RABGAP1: variants seen among roughly 807,000 people sequenced by gnomAD.
RABGAP1 encodes the protein rab GTPase-activating protein 1.
Under a neutral mutation model 137.6 loss-of-function variants are expected in RABGAP1, and 23 were observed. The ratio of observed to expected loss-of-function variants is 0.17; its 90% confidence interval spans 0.12 to 0.24. The LOEUF (loss-of-function observed/expected upper bound fraction) is 0.24, where lower values mean the gene tolerates loss of function less well. RABGAP1 is among the 10% of genes least tolerant of loss of function. The pLI is 1.00. For synonymous variants in RABGAP1, 451 were observed against 450.7 expected, an observed-to-expected ratio of 1.00 and a Z score of -0.01; for missense variants, 906 against 1,275.8, an observed-to-expected ratio of 0.71 and a Z score of 4.42.
intron 2 of RABGAP1, among the ~76,000 whole-genome samples, chr9:122,968,804 G>A (rs1215048674): frequency 2.0e-5 from 3 of 151,940 alleles, no homozygotes; most frequent in Non-Finnish European, 4.4e-5. Flanking sequence ...TAGTAGAGAC[G>A]GGGTTTTGCC....
At chr9:123,066,648 C>T (rs1410151087) in intron 14 of RABGAP1, among the ~76,000 whole-genome samples, 4 of 150,566 alleles carry the variant, frequency 2.7e-5, no homozygotes, top group Non-Finnish European at 5.9e-5. Flanking sequence ...GTTTGGCTAG[C>T]TCTACACCAT....
At chr9:123,062,263 G>A (rs2034005943) in intron 13 of RABGAP1, 2 of 152,172 alleles carry the variant, frequency 1.3e-5, no homozygotes, top group Admixed American at 1.3e-4. Flanking sequence ...AGCGAAACAA[G>A]AAAGAAAAGG....
chr9:122,955,281 G>A (rs762821402), intron 1 of RABGAP1, among the ~76,000 whole-genome samples: 1 of 152,104 alleles, frequency 6.6e-6, no homozygotes, highest in African/African-American at 2.4e-5. Flanking sequence ...ATTTGCTTCT[G>A]TTCTCTACTA....
At chr9:123,096,730 G>A (rs1305995154) in intron 21 of RABGAP1, among the ~76,000 whole-genome samples, 1 of 152,088 alleles carries the variant, frequency 6.6e-6, no homozygotes, top group Admixed American at 6.6e-5. Flanking sequence ...CACCACGCCC[G>A]GCTAATTTTT....
chr9:123,035,599 A>G (rs778402783), intron 13 of RABGAP1: 16 of 1,589,440 alleles, frequency 1.0e-5, no homozygotes, highest in Non-Finnish European at 1.3e-5. Context: ...AGGCCCTCTT[A>G]ATGGATGTCA....
chr9:122,955,876 A>G (rs1218507265), intron 1 of RABGAP1, among the ~76,000 whole-genome samples: 3 of 152,194 alleles, frequency 2.0e-5, no homozygotes, highest in East Asian at 1.9e-4. Context: ...AGAACCTTAC[A>G]TCTTTGAGGT....
intron 3 of RABGAP1, among the ~76,000 whole-genome samples, chr9:122,985,585 C>T (rs760380747): frequency 6.9e-6 from 1 of 145,120 alleles, no homozygotes; most frequent in Non-Finnish European, 1.5e-5. Flanking sequence ...TGCACTTCAG[C>T]CTGGCGACAG....
intron 13 of RABGAP1, among the ~76,000 whole-genome samples, chr9:123,050,029 C>G (rs969932490): frequency 6.6e-6 from 1 of 152,190 alleles, no homozygotes; most frequent in African/African-American, 2.4e-5. Flanking sequence ...ACTTTGTGTT[C>G]TGTTGGTTGC....
At chr9:122,935,398 T>C in the RABGAP1 span, among the ~76,000 whole-genome samples, 5 of 152,064 alleles carry the variant, frequency 3.3e-5, no homozygotes, top group African/African-American at 1.2e-4. Flanking sequence ...AGTGCAATGG[T>C]GCAATCTCAG....
chr9:123,054,739 T>G (rs527620481), intron 13 of RABGAP1, among the ~76,000 whole-genome samples: 1 of 152,332 alleles, frequency 6.6e-6, no homozygotes, highest in Non-Finnish European at 1.5e-5. Context: ...AGGCTTGCAT[T>G]GTTTTGGATG....
intron 6 of RABGAP1, 88 bp from the exon 7 acceptor site, chr9:122,995,953 A>G: frequency 6.8e-7 from 1 of 1,478,654 alleles, no homozygotes; most frequent in Non-Finnish European, 8.9e-7. Flanking sequence ...GAAAAGAATC[A>G]GAGATTTGAG....
At chr9:123,036,914 AGTGAT>A (rs1019749233) in intron 13 of RABGAP1, among the ~76,000 whole-genome samples, 4 of 151,910 alleles carry the variant, frequency 2.6e-5, no homozygotes, top group African/African-American at 9.7e-5. Context: ...TGTATGTAGT[AGTGAT>A]GTTTGTTCTT....
intron 2 of RABGAP1, among the ~76,000 whole-genome samples, chr9:122,964,704 T>C (rs1835046994): frequency 6.6e-6 from 1 of 152,210 alleles, no homozygotes; most frequent in African/African-American, 2.4e-5. Context: ...AACATTGTGC[T>C]AGGGCCAGGT....
intron 2 of RABGAP1, among the ~76,000 whole-genome samples, chr9:122,982,293 T>G (rs1836111090): frequency 6.6e-6 from 1 of 152,192 alleles, no homozygotes; most frequent in African/African-American, 2.4e-5. Context: ...GTTTATAAAA[T>G]TTATAAAGTA....
chr9:123,017,490 T>C (rs2031319202), intron 12 of RABGAP1, among the ~76,000 whole-genome samples: 1 of 152,182 alleles, frequency 6.6e-6, no homozygotes, highest in Admixed American at 6.5e-5. Context: ...ACATCATTAT[T>C]TTTTCTCATT....
At chr9:123,033,839 T>G (rs1438557762) in intron 13 of RABGAP1, 1 of 152,266 alleles carries the variant, frequency 6.6e-6, no homozygotes, top group Non-Finnish European at 1.5e-5. Context: ...GTAAATTATC[T>G]TGGCTAATTT....
At chr9:123,073,778 G>T in intron 16 of RABGAP1, 101 bp downstream of exon 16, 1 of 1,452,202 alleles carries the variant, frequency 6.9e-7, no homozygotes, top group Non-Finnish European at 9.4e-7. Context: ...TTGCCTTAGC[G>T]ATCCGTGGCT....
At chr9:123,026,237 T>C (rs2131957198) in intron 13 of RABGAP1, among the ~76,000 whole-genome samples, 1 of 152,222 alleles carries the variant, frequency 6.6e-6, no homozygotes, top group Non-Finnish European at 1.5e-5. Flanking sequence ...GGCAGGAGAA[T>C]CGCTTGAACC....
chr9:123,058,053 G>GGAGAGGGGGAGAGGGGGAGAGGGA, intron 13 of RABGAP1, among the ~76,000 whole-genome samples: 1 of 151,188 alleles, frequency 6.6e-6, no homozygotes, highest in Non-Finnish European at 1.5e-5. Flanking sequence ...GAAAGAGAGG[G>GGAGAGGGGGAGAGGGGGAGAGGGA]GAGAGGGGGA....
Sources: allele counts gnomAD v4.1 joint callset (sites outside exome capture counted in the v4.1 genomes callset), GRCh38; gene constraint gnomAD v4.1.1; transcripts MANE v1.5; gene names NCBI Gene and HGNC (gene_info 2026-07-23, HGNC 2026-07-21).